Variants in C13orf42 observed in about 807,000 individuals in gnomAD.
The protein encoded by C13orf42 is uncharacterized protein C13orf42.
rs187646293 is a variant in C13orf42, at chr13:51,157,966, C to A, written n.136+14287G>T. On this transcript the variant is annotated intron_variant and non_coding_transcript_variant, in intron 1 of 4. Transcript: ENST00000433280. ...GTTTAGGACAAGCTCAAGTCACCAC[C>A]CTTAGTGACAGTACCAAAAATAACG... Among the ~76,000 whole-genome samples the A allele has an allele frequency of 2.6e-5, 4 of 152,216 alleles. No individual in the cohort carries two copies. The East Asian group carries it at 7.7e-4, about 29-fold the overall frequency.
chr13:51,134,162 T>C (rs2138024229), intron 1 of C13orf42, among the ~76,000 whole-genome samples: 1 of 152,266 alleles, frequency 6.6e-6, no homozygotes, highest in Middle Eastern at 3.4e-3. Context: ...ATAGCAGCAA[T>C]CTAGCCCAAA....
chr13:51,138,381 A>C (rs1379355500), intron 1 of C13orf42, among the ~76,000 whole-genome samples: 5 of 152,192 alleles, frequency 3.3e-5, no homozygotes, highest in Non-Finnish European at 7.3e-5. Flanking sequence ...AAAACAAAAA[A>C]ACCTAATAAC....
chr13:51,146,845 C>T (rs939152055), intron 1 of C13orf42, among the ~76,000 whole-genome samples: 1 of 152,198 alleles, frequency 6.6e-6, no homozygotes, highest in Non-Finnish European at 1.5e-5. Flanking sequence ...ATTTGGGAAA[C>T]CTGAGACTTA....
At chr13:51,148,269 C>T (rs4941690) in intron 1 of C13orf42, among the ~76,000 whole-genome samples, 69,184 of 152,146 alleles carry the variant, frequency 0.45, 16,040 homozygotes, top group African/African-American at 0.53. Flanking sequence ...GCCTCTTCAT[C>T]TCTTTACAGA....
intron 1 of C13orf42, among the ~76,000 whole-genome samples, chr13:51,135,012 G>GCTGCCCTCCTCTCCCACCCCTTGC (rs1446507654): frequency 2.0e-5 from 3 of 152,204 alleles, no homozygotes; most frequent in African/African-American, 7.2e-5. Flanking sequence ...CACTGAAGGC[G>GCTGCCCTCCTCTCCCACCCCTTGC]CTGCCCTCCT....
At chr13:51,142,640 TA>T (rs34049676) in intron 1 of C13orf42, among the ~76,000 whole-genome samples, 2 of 147,696 alleles carry the variant, frequency 1.4e-5, no homozygotes. Context: ...TCCTTTTTTA[TA>T]AAAAAAAAGT....
chr13:51,096,733 G>A (rs1953238367), intron 1 of C13orf42, among the ~76,000 whole-genome samples: 1 of 152,144 alleles, frequency 6.6e-6, no homozygotes, highest in African/African-American at 2.4e-5. Flanking sequence ...TTTTCTGTGT[G>A]ATTATGCCTT....
chr13:51,147,495 C>T (rs1953745270), intron 1 of C13orf42, among the ~76,000 whole-genome samples: 1 of 151,994 alleles, frequency 6.6e-6, no homozygotes, highest in Non-Finnish European at 1.5e-5. Context: ...TTTGGGAGGC[C>T]GAGGTGGGTG....
rs537015691 is a variant in C13orf42, at chr13:51,085,361, G to A, written c.761C>T (p.Ala254Val). The A allele has an allele frequency of 2.0e-5, 8 of 398,372 alleles. No homozygotes were observed. Among genetic ancestry groups the A allele is most frequent in the African/African-American group, 1.6e-4 (8 of 48,584 alleles). 24.7% of individuals were successfully genotyped at this position (398,372 alleles called of 1,614,324 possible). A position where few individuals can be genotyped will look rare whatever the true frequency, so the allele number is the denominator to read the frequency against. The change falls in exon 3 of 4, where the codon GCC becomes GTC. Residue 254 changes from alanine to valine, a missense_variant. Coordinates refer to ENST00000563710, the MANE Select transcript of C13orf42 (RefSeq NM_001351589.3). ...GGGCTTAAATTTCCAGGTGTTGAAG[G>A]CCCCTTCCACAGCCTTGGGCAAATA... is the stretch of plus-strand genomic sequence containing the variant. ...PIYLPKAVEG[A>V]FNTWKFKPKA... is the part of the protein sequence containing the mutation.
At chr13:51,116,985 T>A (rs536760104) in intron 1 of C13orf42, among the ~76,000 whole-genome samples, 11 of 152,370 alleles carry the variant, frequency 7.2e-5, no homozygotes, top group Middle Eastern at 3.4e-3. Flanking sequence ...CTGGTTTTCC[T>A]GCCCAATTCT....
chr13:51,101,070 C>T (rs903980723), intron 1 of C13orf42, among the ~76,000 whole-genome samples: 1 of 152,052 alleles, frequency 6.6e-6, no homozygotes, highest in Admixed American at 6.5e-5. Flanking sequence ...CCAGGTTTAA[C>T]AAATTAAAAT....
chr13:51,115,848 G>C (rs1408837983), upstream of C13orf42, among the ~76,000 whole-genome samples: 1 of 152,208 alleles, frequency 6.6e-6, no homozygotes, highest in Non-Finnish European at 1.5e-5. Flanking sequence ...CTTTCTGGTT[G>C]CACTATGAAT....
At chr13:51,089,845 C>T (rs1191612063) in intron 1 of C13orf42, among the ~76,000 whole-genome samples, 1 of 150,914 alleles carries the variant, frequency 6.6e-6, no homozygotes, top group Non-Finnish European at 1.5e-5. Flanking sequence ...ACAAAGAGAA[C>T]AAGAGAAAGG....
At chr13:51,114,417 A>G (rs970928571), upstream of C13orf42, among the ~76,000 whole-genome samples, 2 of 152,178 alleles carry the variant, frequency 1.3e-5, no homozygotes, top group Admixed American at 6.5e-5. Flanking sequence ...TGCCTCTGGT[A>G]AATACCATTT....
chr13:51,142,871 G>A (rs1953706387), intron 1 of C13orf42, among the ~76,000 whole-genome samples: 2 of 152,054 alleles, frequency 1.3e-5, no homozygotes, highest in South Asian at 4.1e-4. Context: ...AAGGAGGGAT[G>A]TTCAGAACAA....
rs934002571 is a variant in C13orf42 at position 51,088,038 on chromosome 13, T to G, written c.452A>C (p.Asp151Ala). 7 of 398,720 alleles carry G rather than the reference T, an allele frequency of 1.8e-5. No individual in the cohort carries two copies. The highest frequency in any genetic ancestry group is 2.7e-5 in the Non-Finnish European group (6 of 226,186). 24.7% of individuals were successfully genotyped at this position (398,720 alleles called of 1,614,324 possible). ...AAAGAAGGCAATGGCCTCGGCCACATCAGCACTGAACTGCGAGTATTTCTT... is the reference window on the plus strand; with the variant it reads ...AAAGAAGGCAATGGCCTCGGCCACAGCAGCACTGAACTGCGAGTATTTCTT... Reference protein sequence around the residue: ...TPKKYSQFSADVAEAIAFFDS... With the variant: ...TPKKYSQFSAAVAEAIAFFDS... The change falls in exon 2 of 4, where the codon GAT becomes GCT. Residue 151 changes from aspartate to alanine, a missense_variant. Asp to Ala is a moderately radical substitution (Grantham distance 126). Transcript: ENST00000563710.
In C13orf42 at chr13:51,084,055, T is replaced by A; in HGVS notation, c.*96A>T. On this transcript the variant is annotated 3_prime_UTR_variant, in exon 4 of 4. Transcript: ENST00000563710. ...CTGAGTGGGTTGACTGTGTTACAAT[T>A]GGCATTTTCAACTCTACCAAATACC... The A allele has an allele frequency of 2.5e-6, 1 of 397,424 alleles. No individual in the cohort carries two copies. 24.6% of individuals were successfully genotyped at this position (397,424 alleles called of 1,614,324 possible).
chr13:51,116,088 T>C (rs1463611185), upstream of C13orf42, among the ~76,000 whole-genome samples: 1 of 152,018 alleles, frequency 6.6e-6, no homozygotes, highest in Non-Finnish European at 1.5e-5. Flanking sequence ...AAAAAAGTCC[T>C]TGTAAGCAAA....
intron 1 of C13orf42, among the ~76,000 whole-genome samples, chr13:51,088,825 C>G (rs1400987561): frequency 6.6e-6 from 1 of 152,146 alleles, no homozygotes; most frequent in Non-Finnish European, 1.5e-5. Flanking sequence ...TAGAGAGTTT[C>G]AAGAATCTAT....
Sources: gnomAD v4.1 joint callset for allele counts (sites outside exome capture counted in the v4.1 genomes callset) on GRCh38, gnomAD v4.1.1 for gene constraint, MANE v1.5 for transcripts, NCBI Gene and HGNC (gene_info 2026-07-23, HGNC 2026-07-21) for gene names.